The following RPL24 variants were observed in gnomAD, a reference collection of about 807,000 sequenced individuals.
The protein encoded by RPL24 is large ribosomal subunit protein eL24.
A neutral mutation model predicts 26.4 loss-of-function variants in RPL24; 7 were observed. That is an observed-to-expected ratio of 0.27 (90% CI 0.15 to 0.50). RPL24 has a LOEUF of 0.50. RPL24 is among the 20% of genes least tolerant of loss of function. The pLI, the probability that RPL24 is intolerant of heterozygous loss-of-function variation, is 0.98. For synonymous variants in RPL24, 67 were observed against 65.2 expected, an observed-to-expected ratio of 1.03 and a Z score of -0.13; for missense variants, 109 against 194.9, an observed-to-expected ratio of 0.56 and a Z score of 2.62.
intron 3 of RPL24, among the ~76,000 whole-genome samples, chr3:101,685,029 G>T (rs377444024): frequency 6.6e-6 from 1 of 151,508 alleles, no homozygotes; most frequent in African/African-American, 2.4e-5. Context: ...ACTGTTTTAG[G>T]GTATAACTTA....
chr3:101,684,401 C>G (rs761452969), intron 3 of RPL24, among the ~76,000 whole-genome samples: 15 of 151,988 alleles, frequency 9.9e-5, no homozygotes, highest in Non-Finnish European at 2.2e-4. Flanking sequence ...AACTCCTGAC[C>G]TGGTGATCCA....
intron 3 of RPL24, among the ~76,000 whole-genome samples, chr3:101,685,090 C>G (rs1937318904): frequency 6.6e-6 from 1 of 151,732 alleles, no homozygotes; most frequent in African/African-American, 2.4e-5. Flanking sequence ...GAGAAAACAC[C>G]AAATGATTTT....
chr3:101,682,776 A>G lies in RPL24; in HGVS notation c.324T>C (p.Ala108=), dbSNP rs1284421464. The part of the protein sequence containing the change: ...PEVRKAQREQ[A]IRAAKEAKKA... ...ATAATGAAAGCATTCCTCACCTGATAGCTTGTTCTCGTTGAGCCTTTCTAA... is the reference window on the plus strand; with the variant it reads ...ATAATGAAAGCATTCCTCACCTGATGGCTTGTTCTCGTTGAGCCTTTCTAA... The change falls in exon 4 of 6, where the codon GCT becomes GCC. Residue 108 remains alanine, a synonymous_variant. Coordinates refer to ENST00000394077, the MANE Select transcript of RPL24 (RefSeq NM_000986.4). 6.2e-7 allele frequency: 1 copy of G among 1,612,760 alleles called. No homozygotes were observed. Among genetic ancestry groups the G allele is most frequent in the South Asian group, 1.1e-5 (1 of 91,024 alleles).
At position 101,685,800 on chromosome 3, in the gene RPL24, A is replaced by C; in HGVS notation, c.192+18T>G. 5 of 1,406,840 alleles carry C rather than the reference A, an allele frequency of 3.6e-6. No homozygotes were observed. The highest frequency in any genetic ancestry group is 5.0e-6 in the Non-Finnish European group (5 of 998,462). The allele number at this position is 1,406,840 out of a possible 1,614,324, so 87.1% of individuals were successfully genotyped here. On this transcript the variant is annotated intron_variant, in intron 3 of 5. Coordinates refer to ENST00000394077, the MANE Select transcript of RPL24 (RefSeq NM_000986.4). ...AACTTAAGAGATAGCCCCCAACATC[A>C]AGGCGTATTCCACTTACCGACTGTC...
At chr3:101,683,528 A>G (rs961442738) in intron 3 of RPL24, among the ~76,000 whole-genome samples, 4 of 152,218 alleles carry the variant, frequency 2.6e-5, no homozygotes, top group African/African-American at 9.6e-5. Context: ...CAGACATGCT[A>G]ATTTTAAACT....
At chr3:101,684,767 C>T (rs1471478205) in intron 3 of RPL24, among the ~76,000 whole-genome samples, 2 of 70,790 alleles carry the variant, frequency 2.8e-5, no homozygotes, top group African/African-American at 1.1e-4. Flanking sequence ...AACAGAGGAC[C>T]TGTCTCCCCA....
chr3:101,686,679 C>G lies in RPL24; in HGVS notation c.-3G>C. 2 of 1,614,186 alleles carry G rather than the reference C, an allele frequency of 1.2e-6. No homozygotes were observed. The highest frequency in any genetic ancestry group is 1.7e-6 in the Non-Finnish European group (2 of 1,180,032). The stretch of plus-strand genomic sequence containing the variant: ...ACCACGGGTCGTGCTTACTTCATGG[C>G]GACAGCTCCACGGAAAGACAAAAGA... On this transcript the variant is annotated 5_prime_UTR_variant, in exon 1 of 6. Transcript: ENST00000394077.
In RPL24 at chr3:101,685,873, G is replaced by C; in HGVS notation, c.137C>G (p.Pro46Arg). The C allele has an allele frequency of 2.5e-6, 4 of 1,613,978 alleles. No homozygotes were observed. Among genetic ancestry groups the C allele is most frequent in the Non-Finnish European group, 3.4e-6 (4 of 1,179,902 alleles). ...CESAFLSKRN[P>R]RQINWTVLYR... ...GAGGACAGTCCAGTTTATCTGCCGA[G>C]GATTCCTCTTGGAAAGGAAAGCCGA... Residue 46 changes from proline (P) to arginine (R), a missense_variant, in exon 3 of 6, where the codon CCT (proline) becomes CGT (arginine). Physicochemically the swap from Pro to Arg is moderately radical, Grantham distance 103. Around this residue, in one of 3 missense-constraint regions of RPL24, gnomAD observed 69 missense variants for 96.2 expected, o/e 0.72. Coordinates refer to ENST00000394077, the MANE Select transcript of RPL24 (RefSeq NM_000986.4).
chr3:101,682,962 G>A, intron 3 of RPL24, 55 bp from the exon 4 acceptor site: 3 of 1,534,598 alleles, frequency 2.0e-6, no homozygotes, highest in Non-Finnish European at 1.8e-6. Flanking sequence ...GAATTTAGAG[G>A]GAGGAAAAAT....
chr3:101,686,264 G>A (rs1042848050), intron 2 of RPL24: 2 of 589,940 alleles, frequency 3.4e-6, no homozygotes, highest in African/African-American at 3.7e-5. Context: ...CGGGACATCA[G>A]TTACATAAAC....
rs200803074 is a variant in RPL24 at position 101,686,692 on chromosome 3, G to C, written c.-16C>G. On this transcript the variant is annotated 5_prime_UTR_variant, in exon 1 of 6. Coordinates refer to ENST00000394077, the MANE Select transcript of RPL24 (RefSeq NM_000986.4). ...CTTACTTCATGGCGACAGCTCCACG[G>C]AAAGACAAAAGATGGCGAAAAGAAA... 1.9e-6 allele frequency: 3 copies of C among 1,614,094 alleles called. No homozygotes were observed. In the African/African-American group the frequency reaches 4.0e-5, roughly 22 times the overall value.
At chr3:101,686,636 G>A (rs149853869) in intron 1 of RPL24, 36 bp downstream of exon 1, 178 of 1,614,206 alleles carry the variant, frequency 1.1e-4, no homozygotes, top group Non-Finnish European at 1.4e-4. Context: ...TCTGCCCGAG[G>A]ATGTAAGCGG....
At chr3:101,682,529 A>G (rs754023978) in intron 4 of RPL24, 37 bp from the exon 5 acceptor site, 1 of 1,526,744 alleles carries the variant, frequency 6.5e-7, no homozygotes, top group African/African-American at 1.4e-5. Context: ...AAAGCACTTT[A>G]CTCCTTAGTG....
In RPL24 at chr3:101,685,933, A is replaced by C; in HGVS notation, c.82-5T>G. The C allele has an allele frequency of 6.3e-7, 1 of 1,580,600 alleles. No homozygotes were observed. Among genetic ancestry groups the C allele is most frequent in the Non-Finnish European group, 8.7e-7 (1 of 1,149,366 alleles). ...CGCATTAAGAAACTGGAAAACCTAGAGTGACAAATGCAAAGGAATTACTAT... is the reference window on the plus strand; with the variant it reads ...CGCATTAAGAAACTGGAAAACCTAGCGTGACAAATGCAAAGGAATTACTAT... On this transcript the variant is annotated splice_polypyrimidine_tract_variant and splice_region_variant and intron_variant, in intron 2 of 5. Coordinates refer to ENST00000394077, the MANE Select transcript of RPL24 (RefSeq NM_000986.4).
chr3:101,682,539 G>GGA, intron 4 of RPL24, 47 bp from the exon 5 acceptor site: 1 of 1,458,832 alleles, frequency 6.9e-7, no homozygotes, highest in Non-Finnish European at 9.6e-7. Context: ...ACTCCTTAGT[G>GGA]GTACAACTTA....
At chr3:101,682,270 G>A in intron 5 of RPL24, 159 bp downstream of exon 5, 3 of 648,534 alleles carry the variant, frequency 4.6e-6, no homozygotes, top group Non-Finnish European at 8.4e-6. Flanking sequence ...GGAGGCTGAG[G>A]CAGGAGTATC....
Position 101,681,171 on chromosome 3 carries a change from C to G in RPL24, c.438G>C (p.Val146=), listed in dbSNP as rs1442752092. 3 of 1,613,736 alleles carry G rather than the reference C, an allele frequency of 1.9e-6. No homozygotes were observed. Among genetic ancestry groups the G allele is most frequent in the African/African-American group, 1.3e-5 (1 of 74,900 alleles). Residue 146 remains valine (V), a synonymous_variant, in exon 6 of 6, where the codon GTG becomes GTC. Transcript: ENST00000394077. Reference sequence around the variant, plus strand: ...CACCAACTCGGGGAGCTGAAACTTTCACAGGCTTCACAATCTTTTGCTTAG... The same window carrying G: ...CACCAACTCGGGGAGCTGAAACTTTGACAGGCTTCACAATCTTTTGCTTAG... ...AAPKQKIVKP[V]KVSAPRVGGK...
chr3:101,684,155 G>C (rs2108339444), intron 3 of RPL24, among the ~76,000 whole-genome samples: 1 of 150,362 alleles, frequency 6.7e-6, no homozygotes, highest in South Asian at 2.1e-4. Flanking sequence ...CACTGCACTA[G>C]GCCCATTTTA....
chr3:101,683,803 C>G (rs115202511), intron 3 of RPL24, among the ~76,000 whole-genome samples: 4,511 of 151,616 alleles, frequency 0.03, 255 homozygotes, highest in African/African-American at 0.1. Context: ...CCGCCTCCAC[C>G]TCCGGGGTTC....
Sources: gnomAD v4.1 joint callset for allele counts (sites outside exome capture counted in the v4.1 genomes callset) on GRCh38, gnomAD v4.1.1 for gene constraint, gnomAD v4.1.1 regional missense constraint, MANE v1.5 for transcripts, NCBI Gene and HGNC (gene_info 2026-07-23, HGNC 2026-07-21) for gene names.